DNAJC8: variants seen among roughly 807,000 people sequenced by gnomAD.
DNAJC8 encodes the protein dnaJ homolog subfamily C member 8.
A neutral mutation model predicts 43.2 loss-of-function variants in DNAJC8; 24 were observed. That is an observed-to-expected ratio of 0.56 (90% CI 0.40 to 0.78). The LOEUF is 0.78. Ranked by LOEUF, DNAJC8 falls within the 30% of genes least tolerant of loss-of-function variation. The pLI is 0.00. For missense variants in DNAJC8, 207 were observed against 299.4 expected (o/e 0.69, Z 2.28); for synonymous variants, 83 against 98.0 (o/e 0.85, Z 0.90).
intron 3 of DNAJC8, among the ~76,000 whole-genome samples, chr1:28,214,342 C>T (rs1646836533): frequency 6.6e-6 from 1 of 151,990 alleles, no homozygotes; most frequent in South Asian, 2.1e-4. Flanking sequence ...CGTCACCAGC[C>T]TGGCCAACAT....
chr1:28,202,310 C>T (rs1173007639), intron 8 of DNAJC8, among the ~76,000 whole-genome samples: 2 of 152,004 alleles, frequency 1.3e-5, no homozygotes, highest in East Asian at 1.9e-4. Context: ...GATGCAGTCT[C>T]GCTCTGTTGC....
intron 4 of DNAJC8, chr1:28,210,334 T>A (rs1572062028): frequency 2.0e-5 from 11 of 562,570 alleles, no homozygotes; most frequent in Non-Finnish European, 3.1e-5. Context: ...AGAAAAAAAA[T>A]GATCCTATGC....
In DNAJC8 at chr1:28,224,794, G is replaced by A. The variant is rs933687398; in HGVS notation, c.180+4128C>T. Among the ~76,000 whole-genome samples the A allele has an allele frequency of 3.3e-5, 5 of 152,146 alleles. No individual in the cohort carries two copies. The South Asian group carries it at 1.0e-3, about 32-fold the overall frequency. Reference sequence around the variant, plus strand: ...AGCAACCAGGGAGGCTGAGTCAGGAGAATCACTTGAACCCGTGAGGCGGAG... The same window carrying A: ...AGCAACCAGGGAGGCTGAGTCAGGAAAATCACTTGAACCCGTGAGGCGGAG... On this transcript the variant is annotated intron_variant, in intron 2 of 8. Coordinates refer to ENST00000263697, the MANE Select transcript of DNAJC8 (RefSeq NM_014280.3).
intron 2 of DNAJC8, among the ~76,000 whole-genome samples, chr1:28,220,560 CA>C (rs1427481108): frequency 6.6e-6 from 1 of 152,166 alleles, no homozygotes; most frequent in African/African-American, 2.4e-5. Flanking sequence ...ACATATGTAA[CA>C]AGTCTATTCT....
intron 1 of DNAJC8, among the ~76,000 whole-genome samples, chr1:28,231,888 C>T (rs1039499527): frequency 7.2e-5 from 11 of 151,894 alleles, no homozygotes; most frequent in Admixed American, 4.6e-4. Context: ...CTGCCTCAGC[C>T]TCCCGAGTGG....
intron 8 of DNAJC8, among the ~76,000 whole-genome samples, chr1:28,202,207 A>G (rs1646738704): frequency 6.6e-6 from 1 of 152,204 alleles, no homozygotes. Flanking sequence ...ATCAGTAATA[A>G]TCATCACAAC....
chr1:28,205,705 T>C (rs1311684998), intron 6 of DNAJC8, among the ~76,000 whole-genome samples: 3 of 152,110 alleles, frequency 2.0e-5, no homozygotes, highest in African/African-American at 7.2e-5. Flanking sequence ...CTGGCCAACA[T>C]GGTGAAACTC....
chr1:28,210,711 C>A, intron 3 of DNAJC8, 74 bp from the exon 4 acceptor site: 2 of 1,208,686 alleles, frequency 1.7e-6, no homozygotes, highest in Non-Finnish European at 2.4e-6. Flanking sequence ...TGTCTCGTTA[C>A]AACCAAAAGC....
At chr1:28,227,991 GT>G (rs1390011414) in intron 2 of DNAJC8, among the ~76,000 whole-genome samples, 1 of 152,144 alleles carries the variant, frequency 6.6e-6, no homozygotes, top group Non-Finnish European at 1.5e-5. Context: ...TGTGATCTTT[GT>G]TTTGTTGTTG....
At chr1:28,220,708 A>G (rs1646892804) in intron 2 of DNAJC8, among the ~76,000 whole-genome samples, 1 of 152,196 alleles carries the variant, frequency 6.6e-6, no homozygotes, top group South Asian at 2.1e-4. Context: ...TTTGGGGGAC[A>G]CATTCTAACC....
chr1:28,209,604 C>G (rs1646796760), intron 5 of DNAJC8, among the ~76,000 whole-genome samples: 1 of 152,190 alleles, frequency 6.6e-6, no homozygotes, highest in African/African-American at 2.4e-5. Context: ...GTTGCAAACC[C>G]TTCACAGGGA....
rs1440560543 is a variant in DNAJC8, at chr1:28,233,005, G to A, written c.-7C>T. 1 of 1,611,248 alleles carries A rather than the reference G, an allele frequency of 6.2e-7. No individual in the cohort carries two copies. The highest frequency in any genetic ancestry group is 1.3e-5 in the African/African-American group (1 of 75,006). On this transcript the variant is annotated 5_prime_UTR_variant, in exon 1 of 9. Coordinates refer to ENST00000263697, the MANE Select transcript of DNAJC8 (RefSeq NM_014280.3). ...TCTCTCCTGAAGCCGCCATTTCCCC[G>A]GCCCAGCCACCACGTGACCCTTCTG...
intron 4 of DNAJC8, 72 bp downstream of exon 4, chr1:28,210,499 A>C: frequency 7.3e-7 from 1 of 1,371,650 alleles, no homozygotes; most frequent in Non-Finnish European, 1.0e-6. Context: ...TCTTTGCTTG[A>C]TCTAGGACAA....
Position 28,232,980 on chromosome 1 carries a change from T to G in DNAJC8, c.19A>C (p.Ser7Arg), listed in dbSNP as rs772688253. 4.3e-6 allele frequency: 7 copies of G among 1,612,542 alleles called. No homozygotes were observed. Among genetic ancestry groups the G allele is most frequent in the Non-Finnish European group, 5.9e-6 (7 of 1,179,950 alleles). ...CTGCCTCCGCCGCCTGAAGTCCCGC[T>G]CTCTCCTGAAGCCGCCATTTCCCCG... The part of the protein sequence containing the change: MAASGE[S>R]GTSGGGGSTE... The change falls in exon 1 of 9, where the codon AGC (serine) becomes CGC (arginine). Residue 7 changes from serine (S) to arginine (R), a missense_variant. Around this residue, in one of 2 missense-constraint regions of DNAJC8, gnomAD observed 48 missense variants for 31.9 expected, o/e 1.50. Transcript: ENST00000263697.
intron 2 of DNAJC8, among the ~76,000 whole-genome samples, chr1:28,219,973 G>A (rs1281469379): frequency 6.6e-6 from 1 of 151,924 alleles, no homozygotes; most frequent in Non-Finnish European, 1.5e-5. Context: ...CACTGTGCCC[G>A]GCCTTTCTAT....
At chr1:28,222,888 G>A (rs1646908262) in intron 2 of DNAJC8, among the ~76,000 whole-genome samples, 1 of 152,148 alleles carries the variant, frequency 6.6e-6, no homozygotes, top group South Asian at 2.1e-4. Flanking sequence ...CTAAGCAGGG[G>A]GAAAATGTCA....
chr1:28,221,079 C>T (rs1646894941), intron 2 of DNAJC8, among the ~76,000 whole-genome samples: 1 of 151,948 alleles, frequency 6.6e-6, no homozygotes, highest in South Asian at 2.1e-4. Context: ...GTGGCTCACG[C>T]CTGTAATCCC....
At chr1:28,206,548 C>CA (rs554737796) in intron 6 of DNAJC8, among the ~76,000 whole-genome samples, 159 of 152,104 alleles carry the variant, frequency 1.0e-3, no homozygotes, top group African/African-American at 3.5e-3. Flanking sequence ...AAAAGAATTA[C>CA]AAAAAAATAA....
intron 6 of DNAJC8, among the ~76,000 whole-genome samples, chr1:28,206,857 T>C (rs1353912697): frequency 3.3e-5 from 5 of 152,190 alleles, no homozygotes; most frequent in Admixed American, 2.6e-4. Flanking sequence ...TCTTTTATCC[T>C]GTTACCTGCT....
Sources: gnomAD v4.1 joint callset for allele counts (sites outside exome capture counted in the v4.1 genomes callset) on GRCh38, gnomAD v4.1.1 for gene constraint, gnomAD v4.1.1 regional missense constraint, MANE v1.5 for transcripts, NCBI Gene and HGNC (gene_info 2026-07-23, HGNC 2026-07-21) for gene names.